Variants in ZNF670 observed in about 807,000 individuals in gnomAD.
The protein encoded by ZNF670 is zinc finger protein 670.
Under a neutral mutation model 10.9 loss-of-function variants are expected in ZNF670, and 7 were observed. The observed-to-expected ratio is 0.64, with a 90% CI of 0.36 to 1.20. The LOEUF is 1.20. ZNF670 is among the 50% of genes most tolerant of loss of function. ZNF670 has a pLI of 0.02. For missense variants in ZNF670, 446 were observed against 458.6 expected, an observed-to-expected ratio of 0.97 and a Z score of 0.25; for synonymous variants, 136 against 152.7, an observed-to-expected ratio of 0.89 and a Z score of 0.81.
chr1:247,070,054 T>C (rs1379086926), intron 1 of ZNF670, among the ~76,000 whole-genome samples: 2 of 152,202 alleles, frequency 1.3e-5, no homozygotes, highest in Non-Finnish European at 2.9e-5. Context: ...CCATTCTCCA[T>C]GATGTAATTA....
At position 247,035,029 on chromosome 1, in the gene ZNF670, A is replaced by G. The variant is rs1670115095; in HGVS notation, c.*2420T>C. Among the ~76,000 whole-genome samples the G allele has an allele frequency of 6.6e-6, 1 of 152,208 alleles. No homozygotes were observed. The highest frequency in any genetic ancestry group is 2.4e-5 in the African/African-American group (1 of 41,460). On this transcript the variant is annotated 3_prime_UTR_variant, in exon 4 of 4. Coordinates refer to ENST00000366503, the MANE Select transcript of ZNF670 (RefSeq NM_033213.5). The stretch of plus-strand genomic sequence containing the variant: ...CTGTGGGAAGAGGTGGCAACAGCTG[A>G]TAACACAAAGCACTGTGTAGACCAA...
Position 247,051,795 on chromosome 1 carries a change from T to G in ZNF670, c.4-12258A>C, listed in dbSNP as rs199766884. Among the ~76,000 whole-genome samples, 335 of 149,550 alleles carry G rather than the reference T, an allele frequency of 2.2e-3. 10 individuals carry two copies. The East Asian group carries it at 0.037, about 17-fold the overall frequency. On this transcript the variant is annotated intron_variant, in intron 1 of 3. Coordinates refer to ENST00000366503, the MANE Select transcript of ZNF670 (RefSeq NM_033213.5). ...TGTTCTTTTTTCATTTTTTTTTTTT[T>G]TTTGTTTTGTTGCATCGGGTTAATT...
At chr1:247,053,082 G>GT (rs1670634575) in intron 1 of ZNF670, among the ~76,000 whole-genome samples, 1 of 152,156 alleles carries the variant, frequency 6.6e-6, no homozygotes, top group African/African-American at 2.4e-5. Context: ...AAAGCCAGCA[G>GT]TGACAGGCCT....
At chr1:247,060,897 G>T (rs1670842376) in intron 1 of ZNF670, among the ~76,000 whole-genome samples, 1 of 152,174 alleles carries the variant, frequency 6.6e-6, no homozygotes, top group Non-Finnish European at 1.5e-5. Flanking sequence ...CGTGCAGTGT[G>T]AAGGTTTCTT....
Position 247,034,988 on chromosome 1 carries a change from G to C in ZNF670, c.*2461C>G, listed in dbSNP as rs1670114157. The stretch of plus-strand genomic sequence containing the variant: ...ACGGCTGGTCAACCAGTCATGTCTA[G>C]GAGTTGAGAGTTCTACTGTGGGAAG... On this transcript the variant is annotated 3_prime_UTR_variant, in exon 4 of 4. Transcript: ENST00000366503. Among the ~76,000 whole-genome samples, 1 of 152,190 alleles carries C rather than the reference G, an allele frequency of 6.6e-6. No individual in the cohort carries two copies. Among genetic ancestry groups the C allele is most frequent in the South Asian group, 2.1e-4 (1 of 4,834 alleles).
Position 247,037,735 on chromosome 1 carries a change from A to G in ZNF670, c.884T>C (p.Val295Ala), listed in dbSNP as rs1462172410. Residue 295 changes from valine (V) to alanine (A), a missense_variant, in exon 4 of 4, where the codon GTC becomes GCC. Coordinates refer to ENST00000366503, the MANE Select transcript of ZNF670 (RefSeq NM_033213.5). Reference protein sequence around the residue: ...KCGKAFRCSRVLRVHERTHSG... With the variant: ...KCGKAFRCSRALRVHERTHSG... ...GTGAGTCCTTTCATGGACTCTGAGG[A>G]CTCTGGAACATCTAAAGGCTTTGCC... 1 of 1,613,534 alleles carries G rather than the reference A, an allele frequency of 6.2e-7. No homozygotes were observed. The highest frequency in any genetic ancestry group is 1.3e-5 in the African/African-American group (1 of 74,836).
intron 1 of ZNF670, among the ~76,000 whole-genome samples, chr1:247,063,721 C>A (rs937054279): frequency 2.0e-5 from 3 of 152,110 alleles, no homozygotes; most frequent in African/African-American, 4.8e-5. Flanking sequence ...ACAGGTGACA[C>A]CTGGGGAGAA....
At position 247,036,653 on chromosome 1, in the gene ZNF670, G is replaced by A. The variant is rs1404597787; in HGVS notation, c.*796C>T. The A allele has an allele frequency of 6.6e-6, 1 of 152,108 alleles. No individual in the cohort carries two copies. The highest frequency in any genetic ancestry group is 2.4e-5 in the African/African-American group (1 of 41,400). The allele number at this position is 152,108 out of a possible 1,614,324, so 9.4% of individuals were successfully genotyped here. A position where few individuals can be genotyped will look rare whatever the true frequency, so the allele number is the denominator to read the frequency against. Reference sequence around the variant, plus strand: ...TACACTTCAGCCTAGCTGACAAAGTGAGACCCTCTCTAAAAACATAACATT... The same window carrying A: ...TACACTTCAGCCTAGCTGACAAAGTAAGACCCTCTCTAAAAACATAACATT... On this transcript the variant is annotated 3_prime_UTR_variant, in exon 4 of 4. Transcript: ENST00000366503.
At chr1:247,075,053 G>A (rs58163789) in intron 1 of ZNF670, among the ~76,000 whole-genome samples, 37,451 of 152,112 alleles carry the variant, frequency 0.25, 5,345 homozygotes, top group African/African-American at 0.38. Context: ...TGGCTGAGGT[G>A]AGCAGGCTGG....
rs925350557 is a variant in ZNF670, at chr1:247,039,493, C to T, written c.48G>A (p.Glu16=). The T allele has an allele frequency of 1.9e-6, 3 of 1,605,462 alleles. No individual in the cohort carries two copies. The highest frequency in any genetic ancestry group is 2.5e-6 in the Non-Finnish European group (3 of 1,176,530). The change falls in exon 2 of 4, where the codon GAG becomes GAA. Residue 16 remains glutamate (E), a synonymous_variant. Coordinates refer to ENST00000366503, the MANE Select transcript of ZNF670 (RefSeq NM_033213.5). ...GAGAAGGATCCAGCAAAGCCCACTC[C>T]TCCTGAGTAAAGGCCACAGCCACAT... ...FEDVAVAFTQ[E]EWALLDPSQK...
At chr1:247,078,551 G>T (rs765488541) in intron 1 of ZNF670, 43 bp downstream of exon 1, 105 of 1,612,936 alleles carry the variant, frequency 6.5e-5, no homozygotes, top group South Asian at 1.9e-4. Flanking sequence ...CTTCCTGGCG[G>T]TTCCCTTTTC....
At chr1:247,043,334 T>C in intron 1 of ZNF670, 1 of 576,584 alleles carries the variant, frequency 1.7e-6, no homozygotes, top group South Asian at 1.6e-5. Flanking sequence ...CGGTGGTATA[T>C]TCTGGGATAG....
At chr1:247,076,981 C>T (rs757083815) in intron 1 of ZNF670, among the ~76,000 whole-genome samples, 1 of 152,240 alleles carries the variant, frequency 6.6e-6, no homozygotes, top group Non-Finnish European at 1.5e-5. Flanking sequence ...TTACATAATT[C>T]TGATGATGGT....
At chr1:247,059,454 A>G (rs1670803977) in intron 1 of ZNF670, among the ~76,000 whole-genome samples, 1 of 152,236 alleles carries the variant, frequency 6.6e-6, no homozygotes, top group Admixed American at 6.5e-5. Context: ...TCAAAAAATA[A>G]TAGTAATAAA....
chr1:247,039,504 A>G lies in ZNF670; in HGVS notation c.37T>C (p.Phe13Leu). 1 of 1,603,296 alleles carries G rather than the reference A, an allele frequency of 6.2e-7. No individual in the cohort carries two copies. Among genetic ancestry groups the G allele is most frequent in the Non-Finnish European group, 8.5e-7 (1 of 1,175,794 alleles). ...AGCAAAGCCCACTCCTCCTGAGTAA[A>G]GGCCACAGCCACATCTTCAAATGAC... Reference protein sequence around the residue: ...SVSFEDVAVAFTQEEWALLDP... With the variant: ...SVSFEDVAVALTQEEWALLDP... Residue 13 changes from phenylalanine (F) to leucine (L), a missense_variant, in exon 2 of 4, where the codon TTT becomes CTT. Phe to Leu is a conservative substitution (Grantham distance 22, BLOSUM62 0). Coordinates refer to ENST00000366503, the MANE Select transcript of ZNF670 (RefSeq NM_033213.5).
rs1180018031 is a variant in ZNF670, at chr1:247,037,195, T to C, written c.*254A>G. On this transcript the variant is annotated 3_prime_UTR_variant, in exon 4 of 4. Transcript: ENST00000366503. The stretch of plus-strand genomic sequence containing the variant: ...TAACAATGAACCACTGATAAAAATA[T>C]ATTTGAAAGCGGCTGGGAAAATAAA... The C allele has an allele frequency of 2.8e-5, 11 of 386,390 alleles. No individual in the cohort carries two copies. Among genetic ancestry groups the C allele is most frequent in the Non-Finnish European group, 4.1e-5 (9 of 219,152 alleles). 23.9% of individuals were successfully genotyped at this position (386,390 alleles called of 1,614,324 possible). A position where few individuals can be genotyped will look rare whatever the true frequency, so the allele number is the denominator to read the frequency against.
At chr1:247,038,750 A>T in intron 3 of ZNF670, 60 bp downstream of exon 3, 1 of 1,447,520 alleles carries the variant, frequency 6.9e-7, no homozygotes, top group Non-Finnish European at 9.5e-7. Context: ...CTGTTTTAAA[A>T]ACTTATGACA....
intron 1 of ZNF670, among the ~76,000 whole-genome samples, chr1:247,062,664 C>A (rs563453164): frequency 6.6e-6 from 1 of 152,200 alleles, no homozygotes; most frequent in Non-Finnish European, 1.5e-5. Context: ...TACTGTGCCC[C>A]CTGTGTGTCC....
intron 1 of ZNF670, among the ~76,000 whole-genome samples, chr1:247,057,008 C>G (rs1670734949): frequency 6.6e-6 from 1 of 152,138 alleles, no homozygotes; most frequent in South Asian, 2.1e-4. Context: ...AGATCCACAT[C>G]AAGTTAAAAA....
Sources: gnomAD v4.1 joint callset for allele counts (sites outside exome capture counted in the v4.1 genomes callset) on GRCh38, gnomAD v4.1.1 for gene constraint, MANE v1.5 for transcripts, NCBI Gene and HGNC (gene_info 2026-07-23, HGNC 2026-07-21) for gene names.